The following DLGAP1 variants were observed in gnomAD, a reference collection of about 807,000 sequenced individuals.
DLGAP1 encodes the protein DLG associated protein 1.
A neutral mutation model predicts 90.8 loss-of-function variants in DLGAP1; 11 were observed. The ratio of observed to expected loss-of-function variants is 0.12; its 90% CI spans 0.08 to 0.20. The LOEUF (loss-of-function observed/expected upper bound fraction) is 0.20. Ranked by LOEUF, DLGAP1 falls within the 10% of genes least tolerant of loss-of-function variation. The probability of loss-of-function intolerance (pLI) is 1.00; values close to 1 mark genes in which losing one functional copy is unlikely to be tolerated. For synonymous variants in DLGAP1, 558 were observed against 540.7 expected (o/e 1.03, Z -0.44); for missense variants, 1,050 against 1,333.8 (o/e 0.79, Z 3.31).
At chr18:3,998,158 T>A (rs2074106983) in intron 3 of DLGAP1, among the ~76,000 whole-genome samples, 1 of 152,218 alleles carries the variant, frequency 6.6e-6, no homozygotes, top group African/African-American at 2.4e-5. Context: ...TTAAAATTCC[T>A]TCTTCATTTA....
Position 4,227,661 on chromosome 18 carries a change from A to G in DLGAP1, c.-266-76374T>C, listed in dbSNP as rs888575986. On this transcript the variant is annotated intron_variant, in intron 1 of 12. Coordinates refer to ENST00000315677, the MANE Select transcript of DLGAP1 (RefSeq NM_004746.4). ...ATTTCTTGAAACAAATGATAATGGAAACACAATATACAAAACCTATGGGAT... is the reference window on the plus strand; with the variant it reads ...ATTTCTTGAAACAAATGATAATGGAGACACAATATACAAAACCTATGGGAT... Among the ~76,000 whole-genome samples, 14 of 151,962 alleles carry G rather than the reference A, an allele frequency of 9.2e-5. No individual in the cohort carries two copies. The South Asian group carries it at 2.9e-3, about 32-fold the overall frequency.
intron 1 of DLGAP1, among the ~76,000 whole-genome samples, chr18:4,443,583 G>T (rs114310783): frequency 6.6e-6 from 1 of 152,180 alleles, no homozygotes; most frequent in Admixed American, 6.5e-5. Flanking sequence ...AGTCACTACC[G>T]TGTAGCACAA....
intron 3 of DLGAP1, among the ~76,000 whole-genome samples, chr18:3,942,369 G>C (rs150563251): frequency 1.3e-5 from 2 of 152,192 alleles, no homozygotes; most frequent in African/African-American, 2.4e-5. Context: ...GAAGGCAGGC[G>C]TCTGACTGCA....
At chr18:4,011,995 C>T (rs1178069840) in intron 2 of DLGAP1, among the ~76,000 whole-genome samples, 1 of 152,152 alleles carries the variant, frequency 6.6e-6, no homozygotes, top group Admixed American at 6.5e-5. Flanking sequence ...CATCTCAACT[C>T]CCCACACCCA....
At chr18:3,860,269 C>A (rs1184810132) in intron 4 of DLGAP1, among the ~76,000 whole-genome samples, 2 of 151,934 alleles carry the variant, frequency 1.3e-5, no homozygotes, top group Non-Finnish European at 2.9e-5. Context: ...TCTCTTAAAT[C>A]TGCTCTCTTG....
At chr18:4,381,815 C>T (rs1371340478) in intron 1 of DLGAP1, among the ~76,000 whole-genome samples, 2 of 152,226 alleles carry the variant, frequency 1.3e-5, no homozygotes, top group East Asian at 1.9e-4. Context: ...TTTCATGCTG[C>T]TGATAAAGAC....
At chr18:3,835,740 T>C (rs2068339418) in intron 4 of DLGAP1, among the ~76,000 whole-genome samples, 1 of 151,952 alleles carries the variant, frequency 6.6e-6, no homozygotes, top group Non-Finnish European at 1.5e-5. Context: ...TATGAGGGCA[T>C]CCCACATAAG....
At chr18:4,025,495 A>G (rs7230269) in intron 2 of DLGAP1, among the ~76,000 whole-genome samples, 30,742 of 152,060 alleles carry the variant, frequency 0.2, 3,549 homozygotes, top group Non-Finnish European at 0.26. Flanking sequence ...AACCTGTATA[A>G]CCATTTTTCC....
intron 2 of DLGAP1, among the ~76,000 whole-genome samples, chr18:4,055,432 C>T (rs1568371779): frequency 6.6e-6 from 1 of 152,204 alleles, no homozygotes; most frequent in African/African-American, 2.4e-5. Context: ...TCACTGTCCT[C>T]CCATGCTCCA....
intron 3 of DLGAP1, among the ~76,000 whole-genome samples, chr18:3,998,209 T>G (rs1479850127): frequency 6.6e-6 from 1 of 152,228 alleles, no homozygotes; most frequent in African/African-American, 2.4e-5. Context: ...TCTCATCAAC[T>G]GCTTGGTTAC....
intron 2 of DLGAP1, among the ~76,000 whole-genome samples, chr18:4,006,526 T>A (rs1016849714): frequency 1.3e-5 from 2 of 152,184 alleles, no homozygotes; most frequent in African/African-American, 4.8e-5. Flanking sequence ...AGCTGTTGAA[T>A]TTTTGCAGTC....
At chr18:4,092,647 C>T (rs1484748517) in intron 2 of DLGAP1, among the ~76,000 whole-genome samples, 2 of 152,132 alleles carry the variant, frequency 1.3e-5, no homozygotes, top group Admixed American at 6.5e-5. Flanking sequence ...GCTGCTCCTT[C>T]TCTATCGGCT....
chr18:3,870,908 ATTTC>A (rs1448653362), intron 4 of DLGAP1, among the ~76,000 whole-genome samples: 2 of 152,156 alleles, frequency 1.3e-5, no homozygotes, highest in Non-Finnish European at 2.9e-5. Context: ...GAACACACCA[ATTTC>A]TTTTCTTTGG....
At chr18:3,897,936 A>G (rs897360628) in intron 3 of DLGAP1, among the ~76,000 whole-genome samples, 2 of 151,540 alleles carry the variant, frequency 1.3e-5, no homozygotes, top group Non-Finnish European at 2.9e-5. Flanking sequence ...CTGGGACTAC[A>G]GGCGCCCGCC....
At chr18:3,952,591 C>T (rs2073009790) in intron 3 of DLGAP1, among the ~76,000 whole-genome samples, 1 of 152,110 alleles carries the variant, frequency 6.6e-6, no homozygotes, top group South Asian at 2.1e-4. Context: ...CAAGGGGTGA[C>T]ACAGAAGAGC....
At chr18:3,583,598 G>A (rs1353461252) in intron 7 of DLGAP1, among the ~76,000 whole-genome samples, 2 of 152,140 alleles carry the variant, frequency 1.3e-5, no homozygotes, top group Non-Finnish European at 2.9e-5. Context: ...CGTGGGTTTG[G>A]TCTGTATGAG....
At chr18:3,994,193 G>C (rs547287798) in intron 3 of DLGAP1, among the ~76,000 whole-genome samples, 1 of 152,162 alleles carries the variant, frequency 6.6e-6, no homozygotes, top group Non-Finnish European at 1.5e-5. Context: ...GCCGAGGGTG[G>C]GGGAGACAGC....
At chr18:3,793,764 C>T (rs2065856512) in intron 5 of DLGAP1, among the ~76,000 whole-genome samples, 1 of 152,188 alleles carries the variant, frequency 6.6e-6, no homozygotes, top group Non-Finnish European at 1.5e-5. Flanking sequence ...ACTCACTTTC[C>T]CCTTGCACAG....
chr18:3,590,829 G>A (rs2056195211), intron 7 of DLGAP1, among the ~76,000 whole-genome samples: 2 of 151,902 alleles, frequency 1.3e-5, no homozygotes, highest in African/African-American at 4.8e-5. Context: ...AGCCGAGACG[G>A]TGCCATTGCA....
Sources: gnomAD v4.1 joint callset for allele counts (sites outside exome capture counted in the v4.1 genomes callset) on GRCh38, gnomAD v4.1.1 for gene constraint, MANE v1.5 for transcripts, NCBI Gene and HGNC (gene_info 2026-07-23, HGNC 2026-07-21) for gene names.